The following MAST4 variants were observed in gnomAD, a reference collection of about 807,000 sequenced individuals.
MAST4 encodes the protein microtubule-associated serine/threonine-protein kinase 4.
MAST4 carries 89 observed loss-of-function variants against 162.7 expected under a neutral mutation model. The ratio of observed to expected loss-of-function variants is 0.55; its 90% confidence interval spans 0.46 to 0.65. The LOEUF (loss-of-function observed/expected upper bound fraction) is 0.65, where lower values mean the gene tolerates loss of function less well. Ranked by LOEUF, MAST4 falls within the 30% of genes least tolerant of loss-of-function variation. MAST4 has a pLI of 0.00. For missense variants in MAST4, 3,153 were observed against 3,374.0 expected, an observed-to-expected ratio of 0.93 and a Z score of 1.62; for synonymous variants, 1,479 against 1,361.1, an observed-to-expected ratio of 1.09 and a Z score of -1.91.
chr5:66,713,777 G>T (rs1303173895), intron 1 of MAST4, among the ~76,000 whole-genome samples: 1 of 152,138 alleles, frequency 6.6e-6, no homozygotes, highest in African/African-American at 2.4e-5. Context: ...TGGAGAATTA[G>T]AACTGAGGTT....
At chr5:66,806,001 C>T (rs951058292) in intron 3 of MAST4, among the ~76,000 whole-genome samples, 7 of 152,178 alleles carry the variant, frequency 4.6e-5, no homozygotes, top group Admixed American at 3.9e-4. Context: ...GAGGTGTTCT[C>T]TGCTATGGAA....
At chr5:67,147,130 A>G (rs1420984016) in intron 23 of MAST4, among the ~76,000 whole-genome samples, 1 of 152,024 alleles carries the variant, frequency 6.6e-6, no homozygotes, top group Admixed American at 6.6e-5. Context: ...AGGTCCTGCC[A>G]TGCATTTTGA....
chr5:66,638,880 G>T (rs1745298139), intron 1 of MAST4, among the ~76,000 whole-genome samples: 1 of 152,096 alleles, frequency 6.6e-6, no homozygotes, highest in Non-Finnish European at 1.5e-5. Context: ...GGTGTAATTG[G>T]GTGCCATTTA....
chr5:66,603,034 G>A (rs1403645967), intron 1 of MAST4, among the ~76,000 whole-genome samples: 2 of 152,152 alleles, frequency 1.3e-5, no homozygotes, highest in African/African-American at 4.8e-5. Context: ...GTGTGGAAAA[G>A]CTGGTTTATG....
In MAST4 at chr5:67,152,734, C is replaced by T; in HGVS notation, c.3393C>T (p.Ser1131=). 6.2e-7 allele frequency: 1 copy of T among 1,614,070 alleles called. No individual in the cohort carries two copies. The highest frequency in any genetic ancestry group is 8.5e-7 in the Non-Finnish European group (1 of 1,179,902). The change falls in exon 25 of 29, where the codon TCC becomes TCT. Residue 1131 remains serine (S), a synonymous_variant. Transcript: ENST00000403625. ...GAGATTCCTCTCCCAGCCGAGATTC[C>T]TCAGCAGCTTCTGCCAGTCCACATC... ...SSRDSSPSRD[S]SAASASPHQP... is the part of the protein sequence containing the mutation.
At position 67,066,227 on chromosome 5, in the gene MAST4, A is replaced by G. The variant is rs79581017; in HGVS notation, c.763+11735A>G. Among the ~76,000 whole-genome samples the G allele has an allele frequency of 1.0e-2, 1,518 of 152,198 alleles. 23 individuals are homozygous for G. The highest frequency in any genetic ancestry group is 0.033 in the African/African-American group (1,378 of 41,540). ...GAAAACTTGGAAAATATAAGAACAA[A>G]GAAGAATTGAAAAATCATCTATATT... On this transcript the variant is annotated intron_variant, in intron 5 of 28. Transcript: ENST00000403625.
chr5:66,807,414 T>C (rs1304779523), intron 3 of MAST4, among the ~76,000 whole-genome samples: 1 of 151,300 alleles, frequency 6.6e-6, no homozygotes, highest in East Asian at 2.0e-4. Flanking sequence ...GAGAATGGCG[T>C]GAACCCGGGA....
chr5:66,941,826 G>A, intron 4 of MAST4, among the ~76,000 whole-genome samples: 1 of 152,062 alleles, frequency 6.6e-6, no homozygotes, highest in Non-Finnish European at 1.5e-5. Context: ...AGCCATTGTA[G>A]GGTTACTAAA....
chr5:66,890,304 C>T lies in MAST4; in HGVS notation c.643-9647C>T, dbSNP rs142938068. On this transcript the variant is annotated intron_variant, in intron 3 of 28. Coordinates refer to ENST00000403625, the MANE Select transcript of MAST4 (RefSeq NM_001164664.2). ...TACTCAGCAAAACCCTGCAGAGAAG[C>T]ATGTAAACTTTGACTTAGGAGACAT... Among the ~76,000 whole-genome samples the T allele has an allele frequency of 3.3e-5, 5 of 152,224 alleles. No individual in the cohort carries two copies. The East Asian group carries it at 7.7e-4, about 24-fold the overall frequency.
chr5:66,724,108 A>C (rs1751374897), intron 1 of MAST4, among the ~76,000 whole-genome samples: 1 of 152,192 alleles, frequency 6.6e-6, no homozygotes, highest in Non-Finnish European at 1.5e-5. Context: ...TTTCTTAGCA[A>C]ACATGCTGAT....
chr5:66,682,503 T>G (rs916129103), intron 1 of MAST4, among the ~76,000 whole-genome samples: 5 of 152,224 alleles, frequency 3.3e-5, no homozygotes, highest in Non-Finnish European at 7.3e-5. Flanking sequence ...CTGCTTTGAA[T>G]ACTGGGCCTA....
At position 66,634,380 on chromosome 5, in the gene MAST4, A is replaced by T. The variant is rs146799285; in HGVS notation, c.363+37362A>T. 1.4e-4 allele frequency among the ~76,000 whole-genome samples: 21 copies of T among 152,088 alleles called. No individual in the cohort carries two copies. In the East Asian group the frequency reaches 3.5e-3, roughly 25 times the overall value. ...AGCCATGGTTTGTTTTTTCTTAGGA[A>T]CATTGTTTTTCATGCATCTCATCCT... On this transcript the variant is annotated intron_variant, in intron 1 of 28. Coordinates refer to ENST00000403625, the MANE Select transcript of MAST4 (RefSeq NM_001164664.2).
chr5:67,076,212 T>C (rs924481760), intron 5 of MAST4, among the ~76,000 whole-genome samples: 2 of 152,228 alleles, frequency 1.3e-5, no homozygotes, highest in African/African-American at 2.4e-5. Context: ...TGTATTTCTG[T>C]TCTTGTTGGC....
chr5:67,003,430 A>C (rs1751515076), intron 4 of MAST4, among the ~76,000 whole-genome samples: 1 of 152,154 alleles, frequency 6.6e-6, no homozygotes. Flanking sequence ...ATCCCACAGC[A>C]GGCTTCTTTT....
chr5:67,088,789 G>A (rs1021449971), intron 5 of MAST4, among the ~76,000 whole-genome samples: 2 of 152,162 alleles, frequency 1.3e-5, no homozygotes, highest in Non-Finnish European at 2.9e-5. Flanking sequence ...GCTTCTCAGC[G>A]CTTCCCAGTT....
chr5:66,768,750 T>C (rs925550767), intron 2 of MAST4, among the ~76,000 whole-genome samples: 2 of 152,170 alleles, frequency 1.3e-5, no homozygotes, highest in African/African-American at 4.8e-5. Flanking sequence ...GGTTGTGATA[T>C]TGTACTAAGG....
chr5:67,110,998 T>A (rs1279164461), intron 11 of MAST4, among the ~76,000 whole-genome samples: 1 of 152,208 alleles, frequency 6.6e-6, no homozygotes. Flanking sequence ...CACTCCAGCC[T>A]GAGTGACAGA....
At chr5:66,815,303 C>G (rs181757981) in intron 3 of MAST4, among the ~76,000 whole-genome samples, 140 of 152,254 alleles carry the variant, frequency 9.2e-4, no homozygotes, top group African/African-American at 3.1e-3. Flanking sequence ...GTAACATATT[C>G]CCCCCTTATC....
chr5:67,085,841 C>T (rs1212345757), intron 5 of MAST4, among the ~76,000 whole-genome samples: 7 of 152,134 alleles, frequency 4.6e-5, no homozygotes, highest in South Asian at 2.1e-4. Flanking sequence ...CATGAGTCAC[C>T]TGTCTGGGTC....
Sources: gnomAD v4.1 joint callset for allele counts (sites outside exome capture counted in the v4.1 genomes callset) on GRCh38, gnomAD v4.1.1 for gene constraint, MANE v1.5 for transcripts, NCBI Gene and HGNC (gene_info 2026-07-23, HGNC 2026-07-21) for gene names.